The following USE1 variants were observed in gnomAD, a reference collection of about 807,000 sequenced individuals.
USE1 encodes vesicle transport protein USE1.
In USE1, 32 loss-of-function variants were observed where a neutral mutation model predicts 37.6. That is an observed-to-expected ratio of 0.85 (90% CI 0.64 to 1.14). The LOEUF is 1.14. USE1 is among the 50% of genes most tolerant of loss of function. USE1 has a pLI of 0.00. For synonymous variants in USE1, 149 were observed against 137.6 expected, an observed-to-expected ratio of 1.08 and a Z score of -0.58; for missense variants, 310 against 332.2, an observed-to-expected ratio of 0.93 and a Z score of 0.52.
At chr19:17,218,305 G>A in intron 5 of USE1, 59 bp from the exon 6 acceptor site, 1 of 1,610,630 alleles carries the variant, frequency 6.2e-7, no homozygotes, top group Admixed American at 1.7e-5. Context: ...GCAATGCTCA[G>A]GATGCCGGAA....
intron 1 of USE1, 39 bp downstream of exon 1, chr19:17,215,546 CG>C (rs752199637): frequency 7.1e-6 from 11 of 1,544,808 alleles, no homozygotes; most frequent in Middle Eastern, 2.1e-4. Flanking sequence ...GCCCGACTCC[CG>C]GGGGGTGATT....
At chr19:17,218,495 C>A in intron 6 of USE1, 104 bp downstream of exon 6, 1 of 1,457,614 alleles carries the variant, frequency 6.9e-7, no homozygotes, top group Non-Finnish European at 9.3e-7. Context: ...CCACAAGGAT[C>A]TAAACCAACC....
intron 4 of USE1, 149 bp from the exon 5 acceptor site, chr19:17,217,304 T>G: frequency 5.9e-6 from 5 of 853,622 alleles, no homozygotes; most frequent in Non-Finnish European, 8.9e-6. Context: ...CTGGCTAACT[T>G]TTTGTATTTT....
chr19:17,215,749 AT>A, intron 1 of USE1, 52 bp from the exon 2 acceptor site: 1 of 899,198 alleles, frequency 1.1e-6, no homozygotes, highest in Non-Finnish European at 1.5e-6. Flanking sequence ...CCCGACTCCC[AT>A]GATCAGGACA....
rs1568310032 is a variant in USE1, at chr19:17,219,720, AG to A, written c.688del (p.Val230SerfsTer19). On this transcript the variant is annotated frameshift_variant, in exon 8 of 8. Transcript: ENST00000263897. LOFTEE classifies it high-confidence loss of function. ...ERLEQHTQKS[V>X]NWLLWAMLII... ...GTCTGGAGCAGCACACGCAGAAGTC[AG>A]TCAACTGGCTGCTCTGGGCCATGCT... 17 of 1,613,486 alleles carry A rather than the reference AG, an allele frequency of 1.1e-5. No homozygotes were observed. Among genetic ancestry groups the A allele is most frequent in the Non-Finnish European group, 1.4e-5 (17 of 1,179,600 alleles).
chr19:17,215,679 C>T, intron 1 of USE1, 123 bp from the exon 2 acceptor site: 1 of 1,101,524 alleles, frequency 9.1e-7, no homozygotes, highest in East Asian at 2.6e-5. Context: ...GGACTCCGCC[C>T]CTCCCCCACT....
chr19:17,215,663 T>C, intron 1 of USE1, 139 bp from the exon 2 acceptor site: 1 of 1,053,600 alleles, frequency 9.5e-7, no homozygotes, highest in Non-Finnish European at 1.4e-6. Flanking sequence ...TCCGCCCCCG[T>C]CCCTGGGACT....
In USE1 at chr19:17,219,225, G is replaced by A. The variant is rs1345077378; in HGVS notation, c.435G>A (p.Gly145=). The A allele has an allele frequency of 1.2e-6, 2 of 1,613,312 alleles. No homozygotes were observed. Among genetic ancestry groups the A allele is most frequent in the East Asian group, 2.2e-5 (1 of 44,882 alleles). The change falls in exon 7 of 8, where the codon GGG becomes GGA. Residue 145 remains glycine (G), a synonymous_variant. Transcript: ENST00000263897. Reference sequence around the variant, plus strand: ...TGTGTGAAATCAGTGGAGTGGCAGGGTCCCAGCCAGTGAGTGAGAAGCAGT... The same window carrying A: ...TGTGTGAAATCAGTGGAGTGGCAGGATCCCAGCCAGTGAGTGAGAAGCAGT... ...MDVRKRTGVA[G]SQPVSEKQLA... is the part of the protein sequence containing the mutation.
intron 1 of USE1, 69 bp downstream of exon 1, chr19:17,215,576 C>T: frequency 2.0e-6 from 3 of 1,514,292 alleles, no homozygotes; most frequent in Non-Finnish European, 2.7e-6. Flanking sequence ...TGGAAGCCAC[C>T]TGGCCCGACT....
chr19:17,215,631 C>T, intron 1 of USE1, 124 bp downstream of exon 1: 1 of 1,356,742 alleles, frequency 7.4e-7, no homozygotes, highest in Non-Finnish European at 1.0e-6. Context: ...TCCGGTCAGT[C>T]CCGCCACGTC....
intron 5 of USE1, 100 bp downstream of exon 5, chr19:17,217,562 T>C: frequency 6.6e-7 from 1 of 1,505,334 alleles, no homozygotes; most frequent in Middle Eastern, 1.7e-4. Context: ...CTCCATGCCC[T>C]GACTCCAACA....
At position 17,215,367 on chromosome 19, in the gene USE1, A is replaced by G; in HGVS notation, c.-39A>G. 1 of 1,542,766 alleles carries G rather than the reference A, an allele frequency of 6.5e-7. No individual in the cohort carries two copies. The highest frequency in any genetic ancestry group is 8.7e-7 in the Non-Finnish European group (1 of 1,143,874). ...GAAGGCACTTCCGCCCTCTCTTAAC[A>G]TGGAGCCGGCGGAAGGGGTGGTGTA... On this transcript the variant is annotated 5_prime_UTR_variant, in exon 1 of 8. An upstream start codon of the reference 5' UTR is lost. Coordinates refer to ENST00000263897, the MANE Select transcript of USE1 (RefSeq NM_018467.4).
rs542122228 is a variant in USE1, at chr19:17,217,204, C to T, written c.385-249C>T. Reference sequence around the variant, plus strand: ...AGGCTAGAGTGTGGTGGCGCGATCTCGGCTCACTGCAACCTCCGCCTCCCA... The same window carrying T: ...AGGCTAGAGTGTGGTGGCGCGATCTTGGCTCACTGCAACCTCCGCCTCCCA... On this transcript the variant is annotated intron_variant, in intron 4 of 7. Transcript: ENST00000263897. Among the ~76,000 whole-genome samples, 3 of 149,868 alleles carry T rather than the reference C, an allele frequency of 2.0e-5. No individual in the cohort carries two copies. In the Admixed American group the frequency reaches 2.0e-4, roughly 10 times the overall value.
chr19:17,216,622 C>G (rs758963176), intron 4 of USE1, among the ~76,000 whole-genome samples: 1 of 152,178 alleles, frequency 6.6e-6, no homozygotes, highest in Non-Finnish European at 1.5e-5. Flanking sequence ...TTTCTTCAGC[C>G]GTAAAAGAGG....
rs774321379 is a variant in USE1 at position 17,219,710 on chromosome 19, C to T, written c.677C>T (p.Thr226Met). The change falls in exon 8 of 8, where the codon ACG becomes ATG. Residue 226 changes from threonine to methionine, a missense_variant. Coordinates refer to ENST00000263897, the MANE Select transcript of USE1 (RefSeq NM_018467.4). ...GAGTCAGAGCGTCTGGAGCAGCACACGCAGAAGTCAGTCAACTGGCTGCTC... is the reference window on the plus strand; with the variant it reads ...GAGTCAGAGCGTCTGGAGCAGCACATGCAGAAGTCAGTCAACTGGCTGCTC... ...KTESERLEQH[T>M]QKSVNWLLWA... 5.0e-6 allele frequency: 8 copies of T among 1,613,462 alleles called. No individual in the cohort carries two copies. The highest frequency in any genetic ancestry group is 4.5e-5 in the East Asian group (2 of 44,892).
intron 5 of USE1, chr19:17,217,707 T>A: frequency 1.8e-6 from 1 of 548,016 alleles, no homozygotes. Context: ...AGGTCAGGAG[T>A]TTGAGACCAA....
rs1332125639 is a variant in USE1, at chr19:17,216,056, CAAGCCGAG to C, written c.222_229del (p.Glu75AspfsTer47). 1 of 1,612,084 alleles carries C rather than the reference CAAGCCGAG, an allele frequency of 6.2e-7. No homozygotes were observed. Among genetic ancestry groups the C allele is most frequent in the Admixed American group, 1.7e-5 (1 of 59,602 alleles). ...GGTGGATTTTCTGAAGGGGATGCTGCAAGCCGAGAAGCTGGTGAGAAGGGGTGCCCCTG... is the reference window on the plus strand; with the variant it reads ...GGTGGATTTTCTGAAGGGGATGCTGCAAGCTGGTGAGAAGGGGTGCCCCTG... On this transcript the variant is annotated frameshift_variant, in exon 3 of 8. Transcript: ENST00000263897. LOFTEE classifies it high-confidence loss of function.
At chr19:17,219,138 AAAAG>A in intron 6 of USE1, 71 bp from the exon 7 acceptor site, 1 of 1,513,346 alleles carries the variant, frequency 6.6e-7, no homozygotes, top group Non-Finnish European at 8.8e-7. Context: ...AAAAAAAAAA[AAAAG>A]AAAATGTGTT....
At chr19:17,215,645 CT>C in intron 1 of USE1, 138 bp downstream of exon 1, 4 of 1,319,526 alleles carry the variant, frequency 3.0e-6, no homozygotes, top group Admixed American at 4.2e-5. Flanking sequence ...CCACGTCCAC[CT>C]GTAGCTTCCG....
Sources: allele counts gnomAD v4.1 joint callset (sites outside exome capture counted in the v4.1 genomes callset), GRCh38; gene constraint gnomAD v4.1.1; transcripts MANE v1.5; gene names NCBI Gene and HGNC (gene_info 2026-07-23, HGNC 2026-07-21).